Variants in TMPRSS15 observed in about 807,000 individuals in gnomAD.
TMPRSS15 encodes enteropeptidase.
A neutral mutation model predicts 125.3 loss-of-function variants in TMPRSS15; 128 were observed. The observed-to-expected ratio is 1.02, with a 90% confidence interval of 0.89 to 1.18. TMPRSS15 has a LOEUF of 1.18. Among genes scored for constraint, TMPRSS15 ranks in the 50% most tolerant of loss-of-function variants. The pLI is 0.00. For missense variants in TMPRSS15, 1,283 were observed against 1,212.7 expected (o/e 1.06, Z -0.86); for synonymous variants, 446 against 423.2 (o/e 1.05, Z -0.66).
At chr21:18,340,743 A>G (rs1174503857) in intron 13 of TMPRSS15, among the ~76,000 whole-genome samples, 1 of 109,448 alleles carries the variant, frequency 9.1e-6, no homozygotes, top group African/African-American at 3.6e-5. Context: ...AGAAGCCCAC[A>G]AAAACCTCAA....
At chr21:18,352,254 T>C (rs1423291749) in intron 10 of TMPRSS15, among the ~76,000 whole-genome samples, 2 of 152,110 alleles carry the variant, frequency 1.3e-5, no homozygotes, top group African/African-American at 4.8e-5. Flanking sequence ...TTATTGTCTC[T>C]AATATTTCCA....
intron 12 of TMPRSS15, among the ~76,000 whole-genome samples, chr21:18,343,292 A>G (rs1222891732): frequency 1.3e-5 from 2 of 152,224 alleles, no homozygotes; most frequent in Non-Finnish European, 2.9e-5. Flanking sequence ...CTGTATTTTC[A>G]TTAGTACATT....
intron 1 of TMPRSS15, among the ~76,000 whole-genome samples, chr21:18,454,567 G>A (rs1432143056): frequency 1.3e-5 from 2 of 152,066 alleles, no homozygotes; most frequent in Non-Finnish European, 2.9e-5. Context: ...AGAACAGGAG[G>A]AGCCAACGGT....
At chr21:18,395,478 G>A (rs1421406618) in intron 3 of TMPRSS15, among the ~76,000 whole-genome samples, 1 of 152,126 alleles carries the variant, frequency 6.6e-6, no homozygotes. Context: ...GGTAGTAATG[G>A]TACACAGAAG....
intron 16 of TMPRSS15, among the ~76,000 whole-genome samples, chr21:18,318,571 AAG>A (rs2075198904): frequency 6.6e-6 from 1 of 152,210 alleles, no homozygotes; most frequent in African/African-American, 2.4e-5. Context: ...TGAGGGATAA[AAG>A]AAGCTTTGAA....
intron 6 of TMPRSS15, among the ~76,000 whole-genome samples, chr21:18,371,002 C>CA (rs1407364635): frequency 6.6e-6 from 1 of 151,886 alleles, no homozygotes; most frequent in Non-Finnish European, 1.5e-5. Context: ...TAAGCCATAC[C>CA]AAAAAATGTG....
intron 10 of TMPRSS15, among the ~76,000 whole-genome samples, chr21:18,346,526 CT>C (rs987404250): frequency 2.6e-5 from 4 of 152,036 alleles, no homozygotes; most frequent in South Asian, 4.1e-4. Flanking sequence ...TTATCCATCA[CT>C]TTTTTTTCCT....
intron 16 of TMPRSS15, among the ~76,000 whole-genome samples, chr21:18,321,051 C>A (rs1046505593): frequency 6.6e-6 from 1 of 152,112 alleles, no homozygotes; most frequent in Non-Finnish European, 1.5e-5. Context: ...GGCTCAAACC[C>A]CCTAAATGTA....
intron 3 of TMPRSS15, among the ~76,000 whole-genome samples, chr21:18,387,484 T>G (rs2075953960): frequency 6.6e-6 from 1 of 152,108 alleles, no homozygotes; most frequent in Non-Finnish European, 1.5e-5. Flanking sequence ...AAATAGTTCT[T>G]TATTAAAATA....
intron 16 of TMPRSS15, among the ~76,000 whole-genome samples, chr21:18,318,570 A>ATTC (rs2075198753): frequency 6.6e-6 from 1 of 152,220 alleles, no homozygotes; most frequent in African/African-American, 2.4e-5. Context: ...TTGAGGGATA[A>ATTC]AAGAAGCTTT....
At chr21:18,312,780 T>C (rs952312910) in intron 18 of TMPRSS15, among the ~76,000 whole-genome samples, 165 bp downstream of exon 18, 4 of 152,252 alleles carry the variant, frequency 2.6e-5, no homozygotes, top group African/African-American at 9.6e-5. Context: ...ACAGTGGTTA[T>C]TACTTGAAAA....
intron 6 of TMPRSS15, among the ~76,000 whole-genome samples, chr21:18,365,649 C>CCCTTCCTCCCTTCCTTCCTTCCTTCCTT (rs1215517857): frequency 3.0e-5 from 2 of 65,862 alleles, no homozygotes; most frequent in African/African-American, 6.9e-5. Flanking sequence ...TCTTTTTCCT[C>CCCTTCCTCCCTTCCTTCCTTCCTTCCTT]CCTTCCTTCC....
At chr21:18,447,192 C>A (rs527696030) in intron 1 of TMPRSS15, among the ~76,000 whole-genome samples, 46 of 151,914 alleles carry the variant, frequency 3.0e-4, no homozygotes, top group African/African-American at 1.1e-3. Flanking sequence ...ACGCCTGTAA[C>A]CCCAGCACTT....
chr21:18,455,840 G>A lies in TMPRSS15; in HGVS notation c.10+29959C>T, dbSNP rs1256362131. 4.6e-5 allele frequency among the ~76,000 whole-genome samples: 7 copies of A among 152,086 alleles called. No individual in the cohort carries two copies. In the East Asian group the frequency reaches 9.6e-4, roughly 21 times the overall value. On this transcript the variant is annotated intron_variant, in intron 1 of 7. Transcript: ENST00000422787. ...AATTGTAACTAATTTTAACAATTGC[G>A]AGGATGAAACCAAATCCAAAAGGAA... is the stretch of plus-strand genomic sequence containing the variant.
chr21:18,314,751 AG>A (rs1310659139), intron 17 of TMPRSS15, among the ~76,000 whole-genome samples: 17 of 152,204 alleles, frequency 1.1e-4, no homozygotes, highest in Non-Finnish European at 2.5e-4. Context: ...TCAGCAGGGC[AG>A]GGGGAGAAAG....
At chr21:18,392,826 G>T (rs2076001816) in intron 3 of TMPRSS15, among the ~76,000 whole-genome samples, 1 of 152,146 alleles carries the variant, frequency 6.6e-6, no homozygotes, top group South Asian at 2.1e-4. Context: ...TCACAAGGTG[G>T]CAGGAAAGAG....
chr21:18,280,034 C>T (rs1386575642), intron 22 of TMPRSS15, among the ~76,000 whole-genome samples: 3 of 152,074 alleles, frequency 2.0e-5, no homozygotes, highest in Non-Finnish European at 4.4e-5. Flanking sequence ...TACAACTAAC[C>T]GTAGCAATAG....
At chr21:18,294,509 T>C in intron 20 of TMPRSS15, 65 bp from the exon 21 acceptor site, 1 of 1,606,262 alleles carries the variant, frequency 6.2e-7, no homozygotes, top group East Asian at 2.2e-5. Context: ...TGGTGAAAAT[T>C]GAGTGGTAAC....
At chr21:18,426,655 TCAA>T (rs1938420101) in intron 1 of TMPRSS15, among the ~76,000 whole-genome samples, 1 of 152,212 alleles carries the variant, frequency 6.6e-6, no homozygotes, top group African/African-American at 2.4e-5. Context: ...TTTAGTAATG[TCAA>T]CAAAATTGGT....
Sources: gnomAD v4.1 joint callset for allele counts (sites outside exome capture counted in the v4.1 genomes callset) on GRCh38, gnomAD v4.1.1 for gene constraint, MANE v1.5 for transcripts, NCBI Gene and HGNC (gene_info 2026-07-23, HGNC 2026-07-21) for gene names.